TTLL7: variants seen among roughly 807,000 people sequenced by gnomAD.
TTLL7 encodes tubulin tyrosine ligase like 7, also known as tubulin polyglutamylase TTLL7.
Under a neutral mutation model 120.2 loss-of-function variants are expected in TTLL7, and 53 were observed. That is an observed-to-expected ratio of 0.44 (90% CI 0.35 to 0.55). The LOEUF (loss-of-function observed/expected upper bound fraction) is 0.55. Among genes scored for constraint, TTLL7 ranks in the 20% least tolerant of loss-of-function variants. TTLL7 has a pLI of 0.00. For synonymous variants in TTLL7, 353 were observed against 351.7 expected (o/e 1.00, Z -0.04); for missense variants, 803 against 1,054.7 (o/e 0.76, Z 3.31).
intron 1 of TTLL7, among the ~76,000 whole-genome samples, chr1:83,994,928 G>A (rs1166620058): frequency 2.0e-5 from 3 of 152,198 alleles, no homozygotes; most frequent in African/African-American, 4.8e-5. Context: ...TGTTGTGGGT[G>A]AGGGAATGCA....
At chr1:83,986,018 T>C (rs1462070431) in intron 1 of TTLL7, among the ~76,000 whole-genome samples, 4 of 152,172 alleles carry the variant, frequency 2.6e-5, no homozygotes, top group Non-Finnish European at 5.9e-5. Context: ...TTAAACAAAC[T>C]CTTTCAGAAA....
intron 19 of TTLL7, among the ~76,000 whole-genome samples, chr1:83,885,625 G>C (rs924615468): frequency 6.6e-6 from 1 of 151,872 alleles, no homozygotes; most frequent in Non-Finnish European, 1.5e-5. Flanking sequence ...CCATATTTAG[G>C]TGTCAGCATA....
At chr1:83,882,112 T>A (rs1654551574) in intron 20 of TTLL7, among the ~76,000 whole-genome samples, 1 of 135,144 alleles carries the variant, frequency 7.4e-6, no homozygotes, top group Non-Finnish European at 1.6e-5. Flanking sequence ...GGGGGAGGGA[T>A]AGCATTAGGA....
chr1:83,947,509 A>T (rs1390303608), intron 5 of TTLL7: 1 of 426,118 alleles, frequency 2.3e-6, no homozygotes, highest in Non-Finnish European at 4.1e-6. Flanking sequence ...ACCTTGCCCT[A>T]ATATGTACTA....
intron 1 of TTLL7, among the ~76,000 whole-genome samples, chr1:83,976,833 T>C (rs1467560106): frequency 6.6e-6 from 1 of 152,052 alleles, no homozygotes; most frequent in Non-Finnish European, 1.5e-5. Context: ...ACTAAATCAG[T>C]TGTGGCTTGT....
At chr1:83,954,722 C>T (rs1302390354) in intron 1 of TTLL7, among the ~76,000 whole-genome samples, 1 of 152,048 alleles carries the variant, frequency 6.6e-6, no homozygotes, top group African/African-American at 2.4e-5. Context: ...ACTGTAAGCA[C>T]ACGATGACAA....
At chr1:83,932,193 C>T (rs1319997525) in intron 9 of TTLL7, among the ~76,000 whole-genome samples, 1 of 152,258 alleles carries the variant, frequency 6.6e-6, no homozygotes. Context: ...ACTAAGATAT[C>T]TATAAAGTCA....
intron 1 of TTLL7, among the ~76,000 whole-genome samples, 198 bp from the exon 2 acceptor site, chr1:83,952,585 G>C (rs138217172): frequency 3.9e-5 from 6 of 152,196 alleles, no homozygotes; most frequent in African/African-American, 1.4e-4. Flanking sequence ...TAGTCTAGGG[G>C]AAGAAGTTTT....
intron 19 of TTLL7, chr1:83,890,024 A>G (rs1655321389): frequency 2.0e-6 from 1 of 499,290 alleles, no homozygotes; most frequent in Non-Finnish European, 3.9e-6. Flanking sequence ...GGAGAAGTGT[A>G]GCCATAATTT....
chr1:83,936,240 C>A (rs1197728833), intron 8 of TTLL7, among the ~76,000 whole-genome samples: 2 of 152,126 alleles, frequency 1.3e-5, no homozygotes, highest in African/African-American at 4.8e-5. Flanking sequence ...AAGCTAATGA[C>A]CCTCATTATT....
At chr1:83,870,914 A>C (rs1433104931) in intron 20 of TTLL7, among the ~76,000 whole-genome samples, 1 of 151,898 alleles carries the variant, frequency 6.6e-6, no homozygotes. Context: ...CATCTCAAAA[A>C]AAAAAAAAAT....
At chr1:83,885,536 C>G (rs1334461621) in intron 19 of TTLL7, among the ~76,000 whole-genome samples, 1 of 152,002 alleles carries the variant, frequency 6.6e-6, no homozygotes, top group African/African-American at 2.4e-5. Context: ...ATATATGAAT[C>G]AAGGTCCTAT....
intron 17 of TTLL7, among the ~76,000 whole-genome samples, chr1:83,905,103 G>A (rs1167113801): frequency 6.6e-6 from 1 of 151,698 alleles, no homozygotes; most frequent in African/African-American, 2.4e-5. Context: ...ATAAAATAAA[G>A]TGCTACAAAG....
At chr1:83,965,694 C>G (rs1293326085) in intron 1 of TTLL7, among the ~76,000 whole-genome samples, 2 of 152,094 alleles carry the variant, frequency 1.3e-5, no homozygotes, top group African/African-American at 4.8e-5. Context: ...AGGGAATATA[C>G]AGTGTATACA....
intron 1 of TTLL7, among the ~76,000 whole-genome samples, chr1:83,984,545 C>A (rs1652272998): frequency 6.6e-6 from 1 of 152,160 alleles, no homozygotes; most frequent in Non-Finnish European, 1.5e-5. Flanking sequence ...CAACAGTGGA[C>A]TGGATAAATA....
intron 19 of TTLL7, among the ~76,000 whole-genome samples, chr1:83,883,428 G>C (rs1350808873): frequency 6.6e-6 from 1 of 151,858 alleles, no homozygotes; most frequent in Non-Finnish European, 1.5e-5. Context: ...GCCCAGACTG[G>C]AGTACAGTGG....
intron 1 of TTLL7, among the ~76,000 whole-genome samples, chr1:83,958,538 A>G (rs1180686105): frequency 6.6e-6 from 1 of 152,220 alleles, no homozygotes; most frequent in African/African-American, 2.4e-5. Context: ...GCAGTTGTAT[A>G]TGCAAAAAGT....
chr1:83,951,828 C>T lies in TTLL7; in HGVS notation c.157+17G>A, dbSNP rs910692541. The T allele has an allele frequency of 3.1e-6, 5 of 1,601,068 alleles. No homozygotes were observed. Among genetic ancestry groups the T allele is most frequent in the East Asian group, 2.2e-5 (1 of 44,640 alleles). ...AGCAATTATGAGAATCCCATGATTG[C>T]TTCTAAGGAAACCTACCAATTTCAA... On this transcript the variant is annotated intron_variant, in intron 3 of 20. Coordinates refer to ENST00000260505, the MANE Select transcript of TTLL7 (RefSeq NM_024686.6).
intron 1 of TTLL7, among the ~76,000 whole-genome samples, chr1:83,953,646 A>G (rs1346792353): frequency 6.6e-6 from 1 of 152,160 alleles, no homozygotes; most frequent in Non-Finnish European, 1.5e-5. Context: ...TATTTCATTA[A>G]CAAACTTTAA....
Sources: gnomAD v4.1 joint callset for allele counts (sites outside exome capture counted in the v4.1 genomes callset) on GRCh38, gnomAD v4.1.1 for gene constraint, MANE v1.5 for transcripts, NCBI Gene and HGNC (gene_info 2026-07-23, HGNC 2026-07-21) for gene names.